The following PTDSS1 variants were observed in gnomAD, a reference collection of about 807,000 sequenced individuals.
The protein encoded by PTDSS1 is PSS-1.
Under a neutral mutation model 70.5 loss-of-function variants are expected in PTDSS1, and 45 were observed. The ratio of observed to expected loss-of-function variants is 0.64; its 90% CI spans 0.50 to 0.82. The LOEUF is 0.82. Ranked by LOEUF, PTDSS1 falls within the 40% of genes least tolerant of loss-of-function variation. The probability of loss-of-function intolerance (pLI) is 0.00; values close to 1 mark genes in which losing one functional copy is unlikely to be tolerated. For synonymous variants in PTDSS1, 188 were observed against 203.8 expected (o/e 0.92, Z 0.66); for missense variants, 417 against 586.1 (o/e 0.71, Z 2.98).
rs1157524783 is a variant in PTDSS1, at chr8:96,334,238, A to G, written c.*672A>G. 6.3e-6 allele frequency: 1 copy of G among 159,516 alleles called. No individual in the cohort carries two copies. Among genetic ancestry groups the G allele is most frequent in the African/African-American group, 2.4e-5 (1 of 41,740 alleles). 9.9% of individuals were successfully genotyped at this position (159,516 alleles called of 1,614,324 possible). On this transcript the variant is annotated 3_prime_UTR_variant, in exon 13 of 13. Coordinates refer to ENST00000517309, the MANE Select transcript of PTDSS1 (RefSeq NM_014754.3). ...GAGTATACACCAATCAGGAGAGGGT[A>G]GCTGCCTGCATAGGAGCCTCGCTTC...
chr8:96,310,189 T>C (rs1811188328), intron 9 of PTDSS1, among the ~76,000 whole-genome samples: 1 of 144,942 alleles, frequency 6.9e-6, no homozygotes, highest in Non-Finnish European at 1.5e-5. Flanking sequence ...TTTTTTGAGA[T>C]GGAGTCTCAC....
chr8:96,290,896 A>C (rs933374851), intron 4 of PTDSS1, among the ~76,000 whole-genome samples: 3 of 148,016 alleles, frequency 2.0e-5, no homozygotes, highest in South Asian at 2.1e-4. Flanking sequence ...TATTATAAAT[A>C]TTATAAACAT....
intron 7 of PTDSS1, 50 bp downstream of exon 7, chr8:96,304,231 A>G (rs773706216): frequency 1.3e-6 from 2 of 1,559,984 alleles, no homozygotes; most frequent in South Asian, 2.4e-5. Flanking sequence ...AACTAAAATA[A>G]AAACTTTTTA....
intron 7 of PTDSS1, among the ~76,000 whole-genome samples, chr8:96,305,119 C>T (rs1049809118): frequency 6.6e-6 from 1 of 152,118 alleles, no homozygotes; most frequent in Admixed American, 6.6e-5. Flanking sequence ...CCTTATCAGG[C>T]CCAATGTCAC....
intron 7 of PTDSS1, 117 bp downstream of exon 7, chr8:96,304,298 A>G (rs1811093732): frequency 1.7e-6 from 2 of 1,210,834 alleles, no homozygotes; most frequent in Non-Finnish European, 2.3e-6. Flanking sequence ...TTTACAAGAT[A>G]TAATATTCTG....
chr8:96,314,436 G>GC (rs869068417), intron 9 of PTDSS1, among the ~76,000 whole-genome samples: 2 of 1,328 alleles, frequency 1.5e-3, no homozygotes, highest in South Asian at 9.4e-3. Flanking sequence ...GATGTTGGGA[G>GC]GGGGGTCCCT....
intron 9 of PTDSS1, among the ~76,000 whole-genome samples, chr8:96,311,996 G>T (rs1274613717): frequency 6.6e-6 from 1 of 152,174 alleles, no homozygotes; most frequent in African/African-American, 2.4e-5. Flanking sequence ...AAAGTCCTTA[G>T]CAAGGTCCTA....
intron 1 of PTDSS1, among the ~76,000 whole-genome samples, chr8:96,268,681 G>T (rs1469165490): frequency 6.8e-6 from 1 of 147,772 alleles, no homozygotes; most frequent in Non-Finnish European, 1.5e-5. Context: ...GATACTTCCT[G>T]CTGTTAAGAC....
intron 1 of PTDSS1, among the ~76,000 whole-genome samples, chr8:96,271,264 C>A (rs558920276): frequency 1.3e-5 from 2 of 152,290 alleles, no homozygotes; most frequent in African/African-American, 4.8e-5. Context: ...TACACATTCC[C>A]CACCTTGTTT....
intron 4 of PTDSS1, 194 bp downstream of exon 4, chr8:96,287,340 C>A: frequency 1.5e-6 from 1 of 667,290 alleles, no homozygotes; most frequent in Non-Finnish European, 2.4e-6. Flanking sequence ...AAAATCCTCT[C>A]ATTACGCAAA....
At chr8:96,278,262 G>A (rs1034062028) in intron 2 of PTDSS1, among the ~76,000 whole-genome samples, 3 of 152,214 alleles carry the variant, frequency 2.0e-5, no homozygotes. Flanking sequence ...AATTTATAGT[G>A]TTTAGAGGAG....
At chr8:96,314,425 A>G (rs1308112061) in intron 9 of PTDSS1, among the ~76,000 whole-genome samples, 3 of 32,768 alleles carry the variant, frequency 9.2e-5, no homozygotes, top group Non-Finnish European at 2.0e-4. Flanking sequence ...ACAGGGGAAC[A>G]GATGTTGGGA....
intron 11 of PTDSS1, chr8:96,330,752 AT>A (rs1265747641): frequency 8.8e-6 from 4 of 455,626 alleles, no homozygotes; most frequent in Admixed American, 3.9e-5. Flanking sequence ...AGACGGTAAT[AT>A]TTTTTTCGGT....
intron 8 of PTDSS1, among the ~76,000 whole-genome samples, chr8:96,308,981 A>T (rs1203487096): frequency 6.6e-6 from 1 of 152,124 alleles, no homozygotes; most frequent in African/African-American, 2.4e-5. Context: ...CTGAAAGCCA[A>T]AAATCTGTAT....
In PTDSS1 at chr8:96,320,456, A is replaced by G; in HGVS notation, c.1173+111A>G. On this transcript the variant is annotated intron_variant, in intron 10 of 12. Coordinates refer to ENST00000517309, the MANE Select transcript of PTDSS1 (RefSeq NM_014754.3). Reference sequence around the variant, plus strand: ...GTATCAAAGTTCCTTAGAAATTCATAAAAAGATGTTCTACTTGTAATTGTC... The same window carrying G: ...GTATCAAAGTTCCTTAGAAATTCATGAAAAGATGTTCTACTTGTAATTGTC... 4 of 941,410 alleles carry G rather than the reference A, an allele frequency of 4.2e-6. No homozygotes were observed. In the South Asian group the frequency reaches 6.2e-5, roughly 15 times the overall value. The allele number at this position is 941,410 out of a possible 1,614,324, so 58.3% of individuals were successfully genotyped here.
At chr8:96,313,524 C>G (rs557071643) in intron 9 of PTDSS1, among the ~76,000 whole-genome samples, 4 of 152,308 alleles carry the variant, frequency 2.6e-5, no homozygotes, top group African/African-American at 9.6e-5. Context: ...AGTATTGGCC[C>G]AGTTTAAATA....
At chr8:96,281,515 G>A (rs1297117184) in intron 2 of PTDSS1, among the ~76,000 whole-genome samples, 1 of 152,146 alleles carries the variant, frequency 6.6e-6, no homozygotes, top group Non-Finnish European at 1.5e-5. Context: ...TATCTCTAGA[G>A]CTATCAGTTC....
intron 9 of PTDSS1, among the ~76,000 whole-genome samples, chr8:96,315,720 T>C (rs2130142093): frequency 6.6e-6 from 1 of 152,244 alleles, no homozygotes; most frequent in Non-Finnish European, 1.5e-5. Flanking sequence ...CCCAAATGTT[T>C]ATTTGCCTTT....
intron 2 of PTDSS1, among the ~76,000 whole-genome samples, chr8:96,274,215 C>T (rs1282682552): frequency 1.3e-5 from 2 of 151,772 alleles, no homozygotes; most frequent in Non-Finnish European, 2.9e-5. Flanking sequence ...CTCCATGGGC[C>T]GGACGTACTC....
Sources: gnomAD v4.1 joint callset for allele counts (sites outside exome capture counted in the v4.1 genomes callset) on GRCh38, gnomAD v4.1.1 for gene constraint, MANE v1.5 for transcripts, NCBI Gene and HGNC (gene_info 2026-07-23, HGNC 2026-07-21) for gene names.